Variants in ZNF469 observed in about 807,000 individuals in gnomAD.
ZNF469 encodes zinc finger protein 469.
A neutral mutation model predicts 1.0 loss-of-function variants in ZNF469; 1 was observed. The observed-to-expected ratio is 1.00, with a 90% CI of 0.35 to 4.73. The LOEUF is 4.73. Among genes scored for constraint, ZNF469 ranks in the 30% most tolerant of loss-of-function variants. ZNF469 has a pLI of 0.16. For synonymous variants in ZNF469, 2,703 were observed against 2,363.4 expected (o/e 1.14, Z -4.17); for missense variants, 6,100 against 5,356.3 (o/e 1.14, Z -4.33).
the ZNF469 span, among the ~76,000 whole-genome samples, chr16:88,346,405 C>T: frequency 6.6e-6 from 1 of 152,278 alleles, no homozygotes; most frequent in African/African-American, 2.4e-5. Context: ...GTCGGCTGCC[C>T]GGAGCCCCTC....
chr16:88,155,858 G>A, the ZNF469 span, among the ~76,000 whole-genome samples: 9 of 152,302 alleles, frequency 5.9e-5, no homozygotes, highest in East Asian at 9.6e-4. Context: ...GCACCATGAC[G>A]TTCCCACTAG....
the ZNF469 span, among the ~76,000 whole-genome samples, chr16:88,336,377 A>T: frequency 6.8e-6 from 1 of 147,220 alleles, no homozygotes; most frequent in African/African-American, 2.5e-5. Flanking sequence ...AGACACTAAC[A>T]TGCCAACATC....
In ZNF469 at chr16:88,430,773, C is replaced by G. The variant is rs1294047474; in HGVS notation, c.3303C>G (p.Asp1101Glu). Reference sequence around the variant, plus strand: ...ACTTCGCCTCGGAGTCCGAGGAGGACGAGCAGCCTCCGCCGCGGGGCCCCG... The same window carrying G: ...ACTTCGCCTCGGAGTCCGAGGAGGAGGAGCAGCCTCCGCCGCGGGGCCCCG... ...EYDFASESEE[D>E]EQPPPRGPGF... The change falls in exon 3 of 3, where the codon GAC becomes GAG. Residue 1101 changes from aspartate to glutamate, a missense_variant. Coordinates refer to ENST00000565624, the MANE Select transcript of ZNF469 (RefSeq NM_001367624.2). The G allele has an allele frequency of 1.3e-6, 2 of 1,523,748 alleles. No homozygotes were observed. Among genetic ancestry groups the G allele is most frequent in the African/African-American group, 2.8e-5 (2 of 71,836 alleles). The allele number at this position is 1,523,748 out of a possible 1,614,324, so 94.4% of individuals were successfully genotyped here. A position where few individuals can be genotyped will look rare whatever the true frequency, so the allele number is the denominator to read the frequency against.
the ZNF469 span, among the ~76,000 whole-genome samples, chr16:88,223,481 C>T: frequency 2.0e-5 from 3 of 152,276 alleles, no homozygotes; most frequent in East Asian, 3.9e-4. Context: ...TGAGTAAACA[C>T]CATGTGGGGT....
the ZNF469 span, among the ~76,000 whole-genome samples, chr16:88,323,189 C>T: frequency 1.3e-5 from 2 of 152,308 alleles, no homozygotes; most frequent in East Asian, 3.9e-4. Context: ...ACCCTGCCTT[C>T]TGCCACGCAG....
At chr16:88,122,258 C>T in the ZNF469 span, among the ~76,000 whole-genome samples, 1 of 151,148 alleles carries the variant, frequency 6.6e-6, no homozygotes. Flanking sequence ...CCACGGCAGC[C>T]ACTCTGATCA....
the ZNF469 span, among the ~76,000 whole-genome samples, chr16:88,224,226 C>G: frequency 6.6e-6 from 1 of 152,182 alleles, no homozygotes; most frequent in Middle Eastern, 3.2e-3. Flanking sequence ...ACACACAGAA[C>G]CAGCGGCCCC....
chr16:88,237,739 C>G, the ZNF469 span, among the ~76,000 whole-genome samples: 2 of 112,420 alleles, frequency 1.8e-5, no homozygotes, highest in Admixed American at 8.8e-5. Context: ...GCTCCTGCCA[C>G]GCACCCTCCC....
At chr16:88,325,133 T>A in the ZNF469 span, among the ~76,000 whole-genome samples, 4 of 147,426 alleles carry the variant, frequency 2.7e-5, no homozygotes, top group Non-Finnish European at 5.9e-5. Context: ...ACCTGCACAC[T>A]CCAGGTGGTC....
the ZNF469 span, among the ~76,000 whole-genome samples, chr16:88,347,043 A>T: frequency 6.6e-6 from 1 of 152,200 alleles, no homozygotes; most frequent in Non-Finnish European, 1.5e-5. Context: ...ATTCACAGGG[A>T]AAGAGCAGAA....
At chr16:88,221,201 C>T in the ZNF469 span, among the ~76,000 whole-genome samples, 1 of 152,218 alleles carries the variant, frequency 6.6e-6, no homozygotes, top group African/African-American at 2.4e-5. Flanking sequence ...ATGAGGGCTT[C>T]GGGTAAGGAC....
chr16:88,203,865 C>G, the ZNF469 span, among the ~76,000 whole-genome samples: 492 of 152,256 alleles, frequency 3.2e-3, 4 homozygotes, highest in African/African-American at 0.012. Flanking sequence ...TCCAACAAAG[C>G]GACACTCACA....
At chr16:88,195,628 T>C in the ZNF469 span, among the ~76,000 whole-genome samples, 3 of 152,110 alleles carry the variant, frequency 2.0e-5, no homozygotes, top group Non-Finnish European at 4.4e-5. Flanking sequence ...ATGAAGGTGG[T>C]AACAGTCCTC....
At chr16:88,422,849 GGAT>G (rs1905532351) in intron 1 of ZNF469, among the ~76,000 whole-genome samples, 1 of 149,824 alleles carries the variant, frequency 6.7e-6, no homozygotes, top group Admixed American at 6.6e-5. Flanking sequence ...GTGGATGGAT[GGAT>G]GGATGATGAT....
At position 88,433,479 on chromosome 16, in the gene ZNF469, A is replaced by G. The variant is rs988600209; in HGVS notation, c.6009A>G (p.Pro2003=). The G allele has an allele frequency of 1.0e-5, 16 of 1,550,438 alleles. No homozygotes were observed. Among genetic ancestry groups the G allele is most frequent in the Non-Finnish European group, 1.4e-5 (16 of 1,146,968 alleles). Residue 2003 remains proline, a synonymous_variant, in exon 3 of 3, where the codon CCA becomes CCG. Transcript: ENST00000565624. ...AAGGCACAGCCAACCAGCTTCAGCCAGAGAACGGGGTGAGCCCAGGGGGCA... is the reference window on the plus strand; with the variant it reads ...AAGGCACAGCCAACCAGCTTCAGCCGGAGAACGGGGTGAGCCCAGGGGGCA... ...QGQGTANQLQ[P]ENGVSPGGTD...
Position 88,439,009 on chromosome 16 carries a change from A to G in ZNF469, c.11539A>G (p.Thr3847Ala), listed in dbSNP as rs994679412. 4 of 1,549,582 alleles carry G rather than the reference A, an allele frequency of 2.6e-6. No individual in the cohort carries two copies. In the African/African-American group the frequency reaches 4.1e-5, roughly 16 times the overall value. The change falls in exon 3 of 3, where the codon ACC becomes GCC. Residue 3847 changes from threonine (T) to alanine (A), a missense_variant. Thr to Ala is a moderately conservative substitution (Grantham distance 58). Transcript: ENST00000565624. ...CTCAGCCCCTGACAAGCCCCCCCGGACCCCTCGGAAGCAGGCAACTCCCAG... is the reference window on the plus strand; with the variant it reads ...CTCAGCCCCTGACAAGCCCCCCCGGGCCCCTCGGAAGCAGGCAACTCCCAG... The part of the protein sequence containing the change: ...APSAPDKPPR[T>A]PRKQATPSRV...
intron 1 of ZNF469, among the ~76,000 whole-genome samples, chr16:88,423,571 G>T (rs1252359230): frequency 6.6e-6 from 1 of 152,194 alleles, no homozygotes; most frequent in South Asian, 2.1e-4. Context: ...AGTTTCCAAA[G>T]GTCAGGATGC....
chr16:88,183,393 C>A, the ZNF469 span, among the ~76,000 whole-genome samples: 1 of 152,242 alleles, frequency 6.6e-6, no homozygotes, highest in East Asian at 1.9e-4. Context: ...CATGCCCATC[C>A]ACAGGTGAAC....
the ZNF469 span, among the ~76,000 whole-genome samples, chr16:88,126,304 C>T: frequency 5.5e-5 from 8 of 146,070 alleles, 1 homozygote; most frequent in South Asian, 1.8e-3. Flanking sequence ...TTGTTTGTTT[C>T]TGTCTTTACT....
Sources: gnomAD v4.1 joint callset for allele counts (sites outside exome capture counted in the v4.1 genomes callset) on GRCh38, gnomAD v4.1.1 for gene constraint, MANE v1.5 for transcripts, NCBI Gene and HGNC (gene_info 2026-07-23, HGNC 2026-07-21) for gene names.